The following ATP8A2 variants were observed in gnomAD, a reference collection of about 807,000 sequenced individuals.
ATP8A2 encodes ATPase phospholipid transporting 8A2, also known as phospholipid-transporting ATPase IB.
In ATP8A2, 100 loss-of-function variants were observed where a neutral mutation model predicts 165.6. That is an observed-to-expected ratio of 0.60 (90% CI 0.51 to 0.71). The LOEUF (loss-of-function observed/expected upper bound fraction) is 0.71, where lower values mean the gene tolerates loss of function less well. ATP8A2 is among the 30% of genes least tolerant of loss of function. ATP8A2 has a pLI of 0.00. For synonymous variants in ATP8A2, 543 were observed against 548.8 expected, an observed-to-expected ratio of 0.99 and a Z score of 0.15; for missense variants, 1,227 against 1,479.5, an observed-to-expected ratio of 0.83 and a Z score of 2.80.
chr13:25,637,176 C>T (rs1351062481), intron 24 of ATP8A2, among the ~76,000 whole-genome samples: 1 of 149,138 alleles, frequency 6.7e-6, no homozygotes, highest in Non-Finnish European at 1.5e-5. Flanking sequence ...TAGCTTCCAG[C>T]ATGAGCGATG....
At chr13:25,828,256 CTG>C (rs1951370433) in intron 28 of ATP8A2, 64 bp downstream of exon 28, 2 of 1,271,678 alleles carry the variant, frequency 1.6e-6, no homozygotes, top group African/African-American at 2.9e-5. Context: ...CATTCCTTCA[CTG>C]TTTATGTCTG....
chr13:25,982,415 TG>T (rs1956189059), intron 35 of ATP8A2, among the ~76,000 whole-genome samples: 1 of 152,194 alleles, frequency 6.6e-6, no homozygotes, highest in African/African-American at 2.4e-5. Flanking sequence ...ACACCGGGGC[TG>T]GGTGGGGCAC....
intron 4 of ATP8A2, among the ~76,000 whole-genome samples, chr13:25,531,200 T>TG (rs2038033813): frequency 2.1e-5 from 3 of 143,940 alleles, no homozygotes; most frequent in Non-Finnish European, 4.5e-5. Context: ...ATATGTTATA[T>TG]ATGATATATG....
intron 2 of ATP8A2, among the ~76,000 whole-genome samples, chr13:25,486,555 G>A (rs950442838): frequency 2.0e-5 from 3 of 152,164 alleles, no homozygotes; most frequent in Admixed American, 6.5e-5. Flanking sequence ...AAGAGAGTCT[G>A]AATATGTAGC....
At chr13:25,424,395 G>A (rs114938815) in intron 1 of ATP8A2, among the ~76,000 whole-genome samples, 204 of 152,194 alleles carry the variant, frequency 1.3e-3, no homozygotes, top group African/African-American at 4.5e-3. Flanking sequence ...CAACACAGGT[G>A]GGTTGGCGTT....
chr13:26,000,730 T>G (rs1487580878), intron 35 of ATP8A2, among the ~76,000 whole-genome samples: 1 of 150,816 alleles, frequency 6.6e-6, no homozygotes, highest in Admixed American at 6.6e-5. Context: ...TTAAGTACTT[T>G]AATGCCAATA....
At chr13:25,684,501 G>C (rs2042561158) in intron 24 of ATP8A2, among the ~76,000 whole-genome samples, 1 of 152,190 alleles carries the variant, frequency 6.6e-6, no homozygotes, top group Non-Finnish European at 1.5e-5. Flanking sequence ...TTCGTCCACT[G>C]TTGTGAATGA....
chr13:25,743,440 G>A (rs573003395), intron 25 of ATP8A2, among the ~76,000 whole-genome samples: 67 of 151,566 alleles, frequency 4.4e-4, no homozygotes, highest in Middle Eastern at 3.4e-3. Context: ...CTAATACAAG[G>A]GGAGATGTTA....
intron 33 of ATP8A2, among the ~76,000 whole-genome samples, chr13:25,948,849 A>T (rs1156948957): frequency 6.6e-6 from 1 of 152,150 alleles, no homozygotes; most frequent in Non-Finnish European, 1.5e-5. Flanking sequence ...GCAGATACAT[A>T]TCTGTGGTTT....
rs917130880 is a variant in ATP8A2, at chr13:25,695,837, A to G, written c.2212-3336A>G. ...AAGTTATGCATGAGGGTTGAAATCA[A>G]CTTCTTCCAAACTCCTCTTCATGTT... On this transcript the variant is annotated intron_variant, in intron 24 of 36. Coordinates refer to ENST00000381655, the MANE Select transcript of ATP8A2 (RefSeq NM_016529.6). Among the ~76,000 whole-genome samples the G allele has an allele frequency of 7.9e-5, 12 of 152,240 alleles. No individual in the cohort carries two copies. The South Asian group carries it at 1.0e-3, about 13-fold the overall frequency.
intron 33 of ATP8A2, among the ~76,000 whole-genome samples, chr13:25,931,619 A>G (rs1350501312): frequency 6.6e-6 from 1 of 152,156 alleles, no homozygotes; most frequent in African/African-American, 2.4e-5. Flanking sequence ...TGAGGCTGAG[A>G]GCACTGAACA....
In ATP8A2 at chr13:25,786,754, G is replaced by GATTT. The variant is rs58430501; in HGVS notation, c.2679+11795_2679+11796insATTT. ...AACCCTTTTTAATGCACAATTCTAT[G>GATTT]TTTTTTTTTTTTTTTTTTTGAGACA... On this transcript the variant is annotated intron_variant, in intron 27 of 36. Transcript: ENST00000381655. 2.0e-3 allele frequency among the ~76,000 whole-genome samples: 267 copies of GATTT among 134,640 alleles called. 11 individuals carry two copies. The highest frequency in any genetic ancestry group is 6.4e-3 in the African/African-American group (233 of 36,166). The allele number at this position is 134,640 out of a possible 152,430, so 88.3% of individuals were successfully genotyped here.
At chr13:25,836,444 A>G (rs917402953) in intron 28 of ATP8A2, among the ~76,000 whole-genome samples, 2 of 152,108 alleles carry the variant, frequency 1.3e-5, no homozygotes, top group South Asian at 2.1e-4. Context: ...TTGCCAAATC[A>G]TGTTGGTCTA....
At chr13:25,426,707 C>A (rs1174950277) in intron 1 of ATP8A2, among the ~76,000 whole-genome samples, 1 of 152,092 alleles carries the variant, frequency 6.6e-6, no homozygotes, top group Non-Finnish European at 1.5e-5. Context: ...CTTTGGGAGG[C>A]TGACACGGGT....
chr13:25,703,724 C>T (rs1406698249), intron 25 of ATP8A2, among the ~76,000 whole-genome samples: 1 of 152,174 alleles, frequency 6.6e-6, no homozygotes, highest in Admixed American at 6.5e-5. Context: ...CTATCATATA[C>T]TCAGAATAGG....
At chr13:25,762,482 G>C (rs186373240) in intron 25 of ATP8A2, among the ~76,000 whole-genome samples, 1 of 152,236 alleles carries the variant, frequency 6.6e-6, no homozygotes, top group African/African-American at 2.4e-5. Flanking sequence ...AGTCATTTAT[G>C]TATTCCTTTC....
At chr13:25,932,174 C>T (rs1475936110) in intron 33 of ATP8A2, among the ~76,000 whole-genome samples, 1 of 152,054 alleles carries the variant, frequency 6.6e-6, no homozygotes, top group South Asian at 2.1e-4. Context: ...CACGGAAGCA[C>T]GTCAGCTTAG....
intron 24 of ATP8A2, among the ~76,000 whole-genome samples, chr13:25,645,648 T>G (rs992832441): frequency 1.3e-5 from 2 of 152,208 alleles, no homozygotes; most frequent in African/African-American, 4.8e-5. Context: ...ATTTTTAAAT[T>G]TTCCTATAAT....
intron 2 of ATP8A2, among the ~76,000 whole-genome samples, chr13:25,478,717 C>G (rs548837948): frequency 1.3e-5 from 2 of 152,134 alleles, no homozygotes; most frequent in Admixed American, 6.5e-5. Flanking sequence ...ATATACCATA[C>G]GAAAGGCTTT....
Sources: gnomAD v4.1 joint callset for allele counts (sites outside exome capture counted in the v4.1 genomes callset) on GRCh38, gnomAD v4.1.1 for gene constraint, MANE v1.5 for transcripts, NCBI Gene and HGNC (gene_info 2026-07-23, HGNC 2026-07-21) for gene names.